The following TENM2 variants were observed in gnomAD, a reference collection of about 807,000 sequenced individuals.
TENM2 encodes the protein teneurin-2.
TENM2 carries 52 observed loss-of-function variants against 245.2 expected under a neutral mutation model. The observed-to-expected ratio is 0.21, with a 90% CI of 0.17 to 0.27. The LOEUF is 0.27. TENM2 is among the 10% of genes least tolerant of loss of function. The pLI, the probability that TENM2 is intolerant of heterozygous loss-of-function variation, is 1.00. For synonymous variants in TENM2, 1,363 were observed against 1,438.9 expected (o/e 0.95, Z 1.19); for missense variants, 3,046 against 3,666.8 (o/e 0.83, Z 4.37).
chr5:168,200,602 G>T (rs999316301), intron 17 of TENM2, among the ~76,000 whole-genome samples: 4 of 152,200 alleles, frequency 2.6e-5, no homozygotes, highest in African/African-American at 9.7e-5. Flanking sequence ...GAGAGAGGTG[G>T]TCAGGGGCTA....
the TENM2 span, among the ~76,000 whole-genome samples, chr5:167,057,298 G>T: frequency 6.6e-6 from 1 of 151,874 alleles, no homozygotes; most frequent in Admixed American, 6.6e-5. Context: ...AAAACTTTTT[G>T]GTCTGATTAT....
At chr5:167,383,724 A>C (rs1252071914) in intron 2 of TENM2, among the ~76,000 whole-genome samples, 1 of 98,804 alleles carries the variant, frequency 1.0e-5, no homozygotes, top group Admixed American at 9.6e-5. Flanking sequence ...AAACTGGTGC[A>C]GGATAAAAAA....
At chr5:168,133,064 C>G (rs550238206) in intron 12 of TENM2, among the ~76,000 whole-genome samples, 52 of 152,308 alleles carry the variant, frequency 3.4e-4, no homozygotes, top group Middle Eastern at 3.4e-3. Context: ...AGTCACCAAG[C>G]CTTCCCGACC....
exon 22 of TENM2, chr5:168,216,826 G>T: frequency 6.2e-7 from 1 of 1,613,992 alleles, no homozygotes; most frequent in Non-Finnish European, 8.5e-7. Context: ...TGATCCGGAA[G>T]GTTGACCAGA....
chr5:167,587,359 G>A (rs1775579521), intron 2 of TENM2, among the ~76,000 whole-genome samples: 4 of 152,234 alleles, frequency 2.6e-5, no homozygotes, highest in Non-Finnish European at 5.9e-5. Flanking sequence ...TAGTATGTCC[G>A]CTTGTTGTGA....
At chr5:168,047,619 G>C (rs958640126) in intron 6 of TENM2, 70 bp downstream of exon 8, 2 of 1,509,278 alleles carry the variant, frequency 1.3e-6, no homozygotes, top group Admixed American at 4.6e-5. Flanking sequence ...AGCTGGTTCA[G>C]GTTTTCTAAT....
At chr5:167,575,996 TG>T (rs1182834551) in intron 2 of TENM2, among the ~76,000 whole-genome samples, 2 of 152,190 alleles carry the variant, frequency 1.3e-5, no homozygotes, top group African/African-American at 4.8e-5. Flanking sequence ...CTCAAATAAG[TG>T]GCAAGTGTTG....
chr5:168,176,210 C>A (rs1172970294), intron 13 of TENM2, among the ~76,000 whole-genome samples: 1 of 152,212 alleles, frequency 6.6e-6, no homozygotes, highest in Non-Finnish European at 1.5e-5. Context: ...GAAGTCAGAT[C>A]CTATCACACC....
At chr5:167,318,360 A>C (rs545798353) in intron 1 of TENM2, among the ~76,000 whole-genome samples, 158 of 152,286 alleles carry the variant, frequency 1.0e-3, no homozygotes, top group African/African-American at 3.6e-3. Context: ...CTAGACATAC[A>C]AGGTTACTAC....
chr5:168,225,515 C>A (rs905317982), intron 23 of TENM2, among the ~76,000 whole-genome samples: 1 of 152,136 alleles, frequency 6.6e-6, no homozygotes, highest in Non-Finnish European at 1.5e-5. Flanking sequence ...AATTCCAGCA[C>A]TTTGGGAGGC....
At chr5:167,685,132 TAAAAAG>T (rs1382774440) in intron 2 of TENM2, among the ~76,000 whole-genome samples, 2 of 152,202 alleles carry the variant, frequency 1.3e-5, no homozygotes, top group African/African-American at 2.4e-5. Flanking sequence ...GAAGGCAACT[TAAAAAG>T]AGAATGGTGG....
At position 167,897,890 on chromosome 5, in the gene TENM2, G is replaced by GTT. The variant is rs35680049; in HGVS notation, c.712+21714_712+21715dup. Among the ~76,000 whole-genome samples the GTT allele has an allele frequency of 1.5e-3, 130 of 89,250 alleles. 3 individuals carry two copies. The highest frequency in any genetic ancestry group is 1.4e-3 in the African/African-American group (42 of 28,974). 58.6% of individuals were successfully genotyped at this position (89,250 alleles called of 152,430 possible). A position where few individuals can be genotyped will look rare whatever the true frequency, so the allele number is the denominator to read the frequency against. ...TCAGTTGGGTAATCCGTAGTAAATTGTTTTTTTTTTTTTTTTTTTTGCATC... is the reference window on the plus strand; with the variant it reads ...TCAGTTGGGTAATCCGTAGTAAATTGTTTTTTTTTTTTTTTTTTTTTTGCATC... On this transcript the variant is annotated intron_variant, in intron 3 of 28. Coordinates refer to ENST00000518659, the Ensembl canonical transcript of TENM2.
At position 167,801,112 on chromosome 5, in the gene TENM2, ATATATATATATATATATATATATATATAT is replaced by A. The variant is rs1765720710; in HGVS notation, c.503-74873_503-74845del. ...TTTGAAAAGAAAAAAAAAAAAAAAT[ATATATATATATATATATATATATATATAT>A]ATATATATATATGTATATATTCCCC... On this transcript the variant is annotated intron_variant, in intron 2 of 28. Transcript: ENST00000518659. Among the ~76,000 whole-genome samples, 3 of 51,030 alleles carry A rather than the reference ATATATATATATATATATATATATATATAT, an allele frequency of 5.9e-5. 1 individual carries two copies. The highest frequency in any genetic ancestry group is 1.8e-4 in the African/African-American group (2 of 11,304). 33.5% of individuals were successfully genotyped at this position (51,030 alleles called of 152,430 possible).
intron 4 of TENM2, among the ~76,000 whole-genome samples, chr5:167,987,068 T>C (rs1207775662): frequency 2.0e-5 from 3 of 152,204 alleles, no homozygotes; most frequent in Non-Finnish European, 2.9e-5. Flanking sequence ...ATTGCTATCA[T>C]TTTGCCACAT....
intron 13 of TENM2, among the ~76,000 whole-genome samples, chr5:168,185,775 C>A (rs975344203): frequency 2.6e-5 from 4 of 151,452 alleles, no homozygotes; most frequent in African/African-American, 9.7e-5. Flanking sequence ...TAGCCTACAC[C>A]AGTGGATGAC....
chr5:167,619,355 A>G (rs1385708333), intron 2 of TENM2, among the ~76,000 whole-genome samples: 4 of 152,138 alleles, frequency 2.6e-5, no homozygotes, highest in Non-Finnish European at 4.4e-5. Flanking sequence ...ACCAGGTTCC[A>G]GTCTTTGTCA....
At chr5:167,279,890 C>T (rs1310443982), upstream of TENM2, among the ~76,000 whole-genome samples, 5 of 152,122 alleles carry the variant, frequency 3.3e-5, no homozygotes, top group African/African-American at 4.8e-5. Flanking sequence ...GTCATCTCAG[C>T]GTTGGCATCT....
chr5:167,837,692 A>G (rs1480812030), intron 2 of TENM2, among the ~76,000 whole-genome samples: 1 of 152,178 alleles, frequency 6.6e-6, no homozygotes, highest in East Asian at 1.9e-4. Context: ...TGTGCTTTTT[A>G]AAAATCTCTT....
intron 1 of TENM2, among the ~76,000 whole-genome samples, chr5:167,326,146 T>A (rs1459739391): frequency 6.6e-6 from 1 of 151,970 alleles, no homozygotes; most frequent in Non-Finnish European, 1.5e-5. Flanking sequence ...AGCGCAGGGT[T>A]AGAGAGAAAG....
Sources: allele counts gnomAD v4.1 joint callset (sites outside exome capture counted in the v4.1 genomes callset), GRCh38; gene constraint gnomAD v4.1.1; transcripts MANE v1.5; gene names NCBI Gene and HGNC (gene_info 2026-07-23, HGNC 2026-07-21).